TEX11: variants seen among roughly 807,000 people sequenced by gnomAD.
TEX11 encodes testis-expressed protein 11.
Under a neutral mutation model 84.4 loss-of-function variants are expected in TEX11, and 7 were observed. The ratio of observed to expected loss-of-function variants is 0.08; its 90% CI spans 0.05 to 0.16. The LOEUF (loss-of-function observed/expected upper bound fraction) is 0.16, where lower values mean the gene tolerates loss of function less well. Ranked by LOEUF, TEX11 falls within the 10% of genes least tolerant of loss-of-function variation. The pLI is 1.00. For missense variants in TEX11, 551 were observed against 660.5 expected, an observed-to-expected ratio of 0.83 and a Z score of 1.82; for synonymous variants, 264 against 222.8, an observed-to-expected ratio of 1.18 and a Z score of -1.64.
intron 2 of TEX11, among the ~76,000 whole-genome samples, chrX:70,903,578 G>A (rs1026652020): frequency 9.1e-6 from 1 of 110,120 alleles, no homozygotes; most frequent in African/African-American, 3.3e-5. Flanking sequence ...GTTCTATTCT[G>A]GGTACCACAC....
At chrX:70,859,416 TA>T (rs751240806) in intron 5 of TEX11, among the ~76,000 whole-genome samples, 254 of 82,574 alleles carry the variant, frequency 3.1e-3, no homozygotes, top group African/African-American at 3.6e-3. Context: ...TGTCTCTACT[TA>T]AAAAAAAAAA....
chrX:70,715,235 T>C (rs1432208804), intron 13 of TEX11, among the ~76,000 whole-genome samples: 1 of 109,015 alleles, frequency 9.2e-6, no homozygotes, highest in African/African-American at 3.5e-5. Flanking sequence ...ATTTTTTCCT[T>C]CATTTCAACT....
At chrX:70,803,913 C>T (rs552840257) in intron 9 of TEX11, among the ~76,000 whole-genome samples, 1 of 111,515 alleles carries the variant, frequency 9.0e-6, no homozygotes, top group Non-Finnish European at 1.9e-5. Flanking sequence ...GGGAAGCTGA[C>T]GTGGGAGGAT....
chrX:70,705,818 G>C (rs955613734), intron 13 of TEX11, among the ~76,000 whole-genome samples: 12 of 111,702 alleles, frequency 1.1e-4, no homozygotes, highest in African/African-American at 3.6e-4. Context: ...ACAGGTGCTG[G>C]TGAGGATGTG....
chrX:70,804,223 CT>C (rs2091205600), intron 9 of TEX11, among the ~76,000 whole-genome samples: 1 of 111,773 alleles, frequency 8.9e-6, no homozygotes, highest in South Asian at 3.7e-4. Context: ...AGGCATGTTA[CT>C]GAATACTCTA....
chrX:70,779,187 T>C (rs1234225827), intron 9 of TEX11, among the ~76,000 whole-genome samples: 2 of 108,997 alleles, frequency 1.8e-5, no homozygotes, highest in African/African-American at 3.3e-5. Flanking sequence ...GAGGCCGAGG[T>C]GGGTGGATCA....
chrX:70,674,060 C>T (rs1365255808), intron 15 of TEX11, among the ~76,000 whole-genome samples: 2 of 111,601 alleles, frequency 1.8e-5, no homozygotes, highest in Non-Finnish European at 3.8e-5. Context: ...TCATCCTCCA[C>T]CCTCAAGTAG....
chrX:70,559,660 A>G (rs1157000512), intron 25 of TEX11, among the ~76,000 whole-genome samples: 1 of 112,445 alleles, frequency 8.9e-6, no homozygotes, highest in African/African-American at 3.2e-5. Context: ...ATATTCATAA[A>G]TATTTTTGTA....
At chrX:70,664,817 T>C (rs1436918225) in intron 16 of TEX11, among the ~76,000 whole-genome samples, 3 of 92,129 alleles carry the variant, frequency 3.3e-5, no homozygotes, top group East Asian at 6.5e-4. Flanking sequence ...TCCATATAGA[T>C]GCATTTGTGG....
At chrX:70,687,167 GAC>G (rs1314885853) in intron 13 of TEX11, among the ~76,000 whole-genome samples, 2 of 110,218 alleles carry the variant, frequency 1.8e-5, no homozygotes, top group Admixed American at 1.9e-4. Context: ...CACACACAGA[GAC>G]ACACACACAG....
intron 25 of TEX11, among the ~76,000 whole-genome samples, chrX:70,558,096 G>A (rs895250156): frequency 4.5e-5 from 5 of 111,365 alleles, no homozygotes; most frequent in Non-Finnish European, 9.4e-5. Context: ...GCAGTAAGCC[G>A]AGATGGCACC....
chrX:70,893,503 T>G (rs2091750543), intron 2 of TEX11, among the ~76,000 whole-genome samples: 1 of 111,562 alleles, frequency 9.0e-6, no homozygotes, highest in Non-Finnish European at 1.9e-5. Flanking sequence ...GCAGAAATAA[T>G]GAAGTTGTTT....
chrX:70,904,482 A>C (rs1298645814), intron 2 of TEX11, among the ~76,000 whole-genome samples: 2 of 112,620 alleles, frequency 1.8e-5, no homozygotes, highest in African/African-American at 6.4e-5. Flanking sequence ...TGGTAAATAA[A>C]AATGACAACA....
intron 11 of TEX11, among the ~76,000 whole-genome samples, chrX:70,737,893 C>T (rs911783834): frequency 1.8e-5 from 2 of 111,210 alleles, no homozygotes; most frequent in African/African-American, 6.5e-5. Flanking sequence ...AATAGTATGG[C>T]TGATATGCAG....
At chrX:70,722,405 A>C (rs1384531151) in intron 13 of TEX11, among the ~76,000 whole-genome samples, 8 of 109,519 alleles carry the variant, frequency 7.3e-5, no homozygotes, top group Admixed American at 4.9e-4. Flanking sequence ...CCGAGTAGCT[A>C]TGACTACAGG....
At chrX:70,628,440 G>A (rs1397073750) in intron 18 of TEX11, among the ~76,000 whole-genome samples, 2 of 111,287 alleles carry the variant, frequency 1.8e-5, no homozygotes, top group African/African-American at 6.5e-5. Context: ...TCCTTCCGCT[G>A]TAGAGACTTC....
chrX:70,839,591 C>T (rs1311024634), intron 7 of TEX11, among the ~76,000 whole-genome samples: 1 of 112,094 alleles, frequency 8.9e-6, no homozygotes. Context: ...GCCTCTCCTC[C>T]TCCAAAGGAA....
chrX:70,716,866 G>A lies in TEX11; in HGVS notation c.1004+5752C>T, dbSNP rs1309537678. Among the ~76,000 whole-genome samples, 13 of 112,254 alleles carry A rather than the reference G, an allele frequency of 1.2e-4. No individual in the cohort carries two copies. The South Asian group carries it at 3.7e-3, about 32-fold the overall frequency. The stretch of plus-strand genomic sequence containing the variant: ...AATGCAGAAATCATTCGTCTTCTGC[G>A]TCGCTCACGCTGGGAGCTGTAGACT... On this transcript the variant is annotated intron_variant, in intron 13 of 29. Transcript: ENST00000374333.
At chrX:70,553,236 G>T (rs1001548292) in intron 27 of TEX11, 70 bp downstream of exon 27, 1 of 677,062 alleles carries the variant, frequency 1.5e-6, no homozygotes, top group Non-Finnish European at 2.2e-6. Context: ...AATTAAGAAC[G>T]ATTGGTTACT....
Sources: allele counts gnomAD v4.1 joint callset (sites outside exome capture counted in the v4.1 genomes callset), GRCh38; gene constraint gnomAD v4.1.1; transcripts MANE v1.5; gene names NCBI Gene and HGNC (gene_info 2026-07-23, HGNC 2026-07-21).